Variants in ADGRE5 observed in about 807,000 individuals in gnomAD.
The protein encoded by ADGRE5 is adhesion G protein-coupled receptor E5, also known as CD97 molecule.
Under a neutral mutation model 100.3 loss-of-function variants are expected in ADGRE5, and 72 were observed. The ratio of observed to expected loss-of-function variants is 0.72; its 90% CI spans 0.59 to 0.87. ADGRE5 has a LOEUF of 0.87. Ranked by LOEUF, ADGRE5 falls within the 40% of genes least tolerant of loss-of-function variation. The probability of loss-of-function intolerance (pLI) is 0.00; values close to 1 mark genes in which losing one functional copy is unlikely to be tolerated. For synonymous variants in ADGRE5, 439 were observed against 447.8 expected, an observed-to-expected ratio of 0.98 and a Z score of 0.25; for missense variants, 959 against 1,094.7, an observed-to-expected ratio of 0.88 and a Z score of 1.75.
chr19:14,397,993 C>T lies in ADGRE5; in HGVS notation c.819+58C>T, dbSNP rs574137899. 52 of 1,519,290 alleles carry T rather than the reference C, an allele frequency of 3.4e-5. 1 individual carries two copies. In the Middle Eastern group the frequency reaches 5.1e-4, roughly 15 times the overall value. 94.1% of individuals were successfully genotyped at this position (1,519,290 alleles called of 1,614,324 possible). On this transcript the variant is annotated intron_variant, in intron 8 of 19. Coordinates refer to ENST00000242786, the MANE Select transcript of ADGRE5 (RefSeq NM_078481.4). Reference sequence around the variant, plus strand: ...AACTCCATCCACACAGCACTGCATCCGTCTCCTTGTTCTAAACTTCCCACC... The same window carrying T: ...AACTCCATCCACACAGCACTGCATCTGTCTCCTTGTTCTAAACTTCCCACC...
chr19:14,408,100 G>A lies in ADGRE5; in HGVS notation c.2487G>A (p.Arg829=), dbSNP rs1377192277. The A allele has an allele frequency of 3.1e-6, 5 of 1,613,756 alleles. No homozygotes were observed. Among genetic ancestry groups the A allele is most frequent in the South Asian group, 1.1e-5 (1 of 91,068 alleles). Residue 829 remains arginine (R), a synonymous_variant, in exon 20 of 20, where the codon AGG becomes AGA. Coordinates refer to ENST00000242786, the MANE Select transcript of ADGRE5 (RefSeq NM_078481.4). ...GTGHNQTRAL[R]ASESGI ...TGGGCTCTCCTCTCCAGGCCCTCAG[G>A]GCATCAGAGTCCGGCATATGAAGGC...
At chr19:14,399,565 A>AG in intron 9 of ADGRE5, among the ~76,000 whole-genome samples, 1 of 99,226 alleles carries the variant, frequency 1.0e-5, no homozygotes, top group African/African-American at 7.0e-5. Context: ...CTCCGTCTCA[A>AG]AAAAAAAAAA....
rs372902968 is a variant in ADGRE5 at position 14,406,928 on chromosome 19, C to G, written c.2175C>G (p.Ile725Met). The G allele has an allele frequency of 6.2e-6, 10 of 1,614,014 alleles. No homozygotes were observed. Among genetic ancestry groups the G allele is most frequent in the Non-Finnish European group, 8.5e-6 (10 of 1,180,002 alleles). The change falls in exon 17 of 20, where the codon ATC becomes ATG. Residue 725 changes from isoleucine to methionine, a missense_variant. Around this residue, in one of 6 missense-constraint regions of ADGRE5, gnomAD observed 428 missense variants for 386.2 expected, o/e 1.11. Coordinates refer to ENST00000242786, the MANE Select transcript of ADGRE5 (RefSeq NM_078481.4). This position sits in a 1 kb window ranked among gnomAD's most constrained non-coding sequence, Gnocchi z 6.0. ...AGCTCACTCAGAAGTTTTCTGAAAT[C>G]AATCCAGACATGAAGAAATTAAAGA... ...VWKLTQKFSE[I>M]NPDMKKLKKA...
At chr19:14,387,078 AG>A (rs1402565663) in intron 1 of ADGRE5, among the ~76,000 whole-genome samples, 3 of 152,196 alleles carry the variant, frequency 2.0e-5, no homozygotes, top group Non-Finnish European at 4.4e-5. Flanking sequence ...GTAAATGCTC[AG>A]GCACACCGGA....
chr19:14,408,046 G>A (rs1976355337), intron 19 of ADGRE5, 37 bp downstream of exon 19: 3 of 1,614,116 alleles, frequency 1.9e-6, no homozygotes, highest in African/African-American at 1.3e-5. Context: ...TGGGCAGGAA[G>A]GCACCAGGGC....
intron 1 of ADGRE5, among the ~76,000 whole-genome samples, chr19:14,384,420 G>A (rs897802852): frequency 6.6e-6 from 1 of 152,170 alleles, no homozygotes; most frequent in African/African-American, 2.4e-5. Context: ...TGGGGCAAAT[G>A]AGTGGTGAGT....
At chr19:14,387,132 G>C (rs1302556875) in intron 1 of ADGRE5, among the ~76,000 whole-genome samples, 1 of 152,160 alleles carries the variant, frequency 6.6e-6, no homozygotes, top group Non-Finnish European at 1.5e-5. Flanking sequence ...ACACTGGGGA[G>C]TGGGCGCCAT....
At position 14,406,246 on chromosome 19, in the gene ADGRE5, T is replaced by C. The variant is rs1568320139; in HGVS notation, c.1822-85T>C. 2 of 1,122,124 alleles carry C rather than the reference T, an allele frequency of 1.8e-6. No homozygotes were observed. Among genetic ancestry groups the C allele is most frequent in the East Asian group, 2.6e-5 (1 of 38,798 alleles). The allele number at this position is 1,122,124 out of a possible 1,614,324, so 69.5% of individuals were successfully genotyped here. Reference sequence around the variant, plus strand: ...CCTCCGGCTGTGGTCCCGCCCACTCTCGGGACCTGGCAGGCGACTGGCTCT... The same window carrying C: ...CCTCCGGCTGTGGTCCCGCCCACTCCCGGGACCTGGCAGGCGACTGGCTCT... On this transcript the variant is annotated intron_variant, in intron 14 of 19. Coordinates refer to ENST00000242786, the MANE Select transcript of ADGRE5 (RefSeq NM_078481.4). The surrounding 1 kb of genome is among the most constrained non-coding windows in gnomAD (Gnocchi z 6.0).
intron 4 of ADGRE5, among the ~76,000 whole-genome samples, chr19:14,395,411 C>A (rs1325251222): frequency 6.6e-6 from 1 of 152,134 alleles, no homozygotes; most frequent in African/African-American, 2.4e-5. Context: ...TCGTCCCAGG[C>A]CCGATCCTCT....
chr19:14,392,061 G>A (rs1461629117), intron 4 of ADGRE5, among the ~76,000 whole-genome samples: 17 of 142,358 alleles, frequency 1.2e-4, no homozygotes, highest in African/African-American at 3.4e-4. Flanking sequence ...CCAAGATCGC[G>A]CCACTGCACT....
intron 8 of ADGRE5, 27 bp from the exon 9 acceptor site, chr19:14,398,035 T>C: frequency 1.2e-6 from 2 of 1,610,698 alleles, no homozygotes; most frequent in East Asian, 2.2e-5. Flanking sequence ...CCAGGCTCTC[T>C]GACCCCCACA....
At chr19:14,382,033 C>T (rs1454463161) in intron 1 of ADGRE5, among the ~76,000 whole-genome samples, 2 of 152,176 alleles carry the variant, frequency 1.3e-5, no homozygotes, top group Non-Finnish European at 2.9e-5. Context: ...TTCTTGCTCC[C>T]CGCAGACCTG....
chr19:14,407,619 T>A (rs1365547415), intron 18 of ADGRE5, among the ~76,000 whole-genome samples: 1 of 145,114 alleles, frequency 6.9e-6, no homozygotes, highest in African/African-American at 2.6e-5. Flanking sequence ...CCAGCCTGGG[T>A]GACAGTGAGA....
Position 14,381,697 on chromosome 19 carries a change from G to C in ADGRE5, c.22+152G>C, listed in dbSNP as rs2146339667. 3 of 949,682 alleles carry C rather than the reference G, an allele frequency of 3.2e-6. No individual in the cohort carries two copies. The East Asian group carries it at 8.7e-5, about 27-fold the overall frequency. The allele number at this position is 949,682 out of a possible 1,614,324, so 58.8% of individuals were successfully genotyped here. ...GCAGGCACTCACGGGCACACGGCGA[G>C]AGGGGCTGGTGGTGCTTGGGCACCC... On this transcript the variant is annotated intron_variant, in intron 1 of 19. Coordinates refer to ENST00000242786, the MANE Select transcript of ADGRE5 (RefSeq NM_078481.4).
chr19:14,407,355 T>C (rs1044244710), intron 18 of ADGRE5, 126 bp downstream of exon 18: 2 of 1,116,358 alleles, frequency 1.8e-6, no homozygotes, highest in African/African-American at 1.6e-5. Flanking sequence ...ATGCTGTCTT[T>C]ACAAAAAAAT....
chr19:14,407,936 G>C lies in ADGRE5; in HGVS notation c.2405G>C (p.Cys802Ser). 2 of 1,614,158 alleles carry C rather than the reference G, an allele frequency of 1.2e-6. No homozygotes were observed. Among genetic ancestry groups the C allele is most frequent in the Non-Finnish European group, 1.7e-6 (2 of 1,180,030 alleles). Residue 802 changes from cysteine (C) to serine (S), a missense_variant, in exon 19 of 20, where the codon TGC becomes TCC. This residue lies in a region of ADGRE5 where 428 missense variants were observed against 386.2 expected (regional missense o/e 1.11). Transcript: ENST00000242786. ...CGGGAAGAATACCGGAAGTGGGCCT[G>C]CCTAGTTGCTGGGGGGAGCAAGTAC... is the stretch of plus-strand genomic sequence containing the variant. ...KVREEYRKWACLVAGGSKYSE... is the reference protein window; with the variant it reads ...KVREEYRKWASLVAGGSKYSE...
At chr19:14,385,279 TG>T in intron 1 of ADGRE5, among the ~76,000 whole-genome samples, 1 of 152,092 alleles carries the variant, frequency 6.6e-6, no homozygotes, top group Non-Finnish European at 1.5e-5. Flanking sequence ...CCCAAAGTGC[TG>T]GGATTACAGG....
Position 14,408,555 on chromosome 19 carries a change from G to A in ADGRE5, c.*434G>A, listed in dbSNP as rs775618019. On this transcript the variant is annotated 3_prime_UTR_variant, in exon 20 of 20. Coordinates refer to ENST00000242786, the MANE Select transcript of ADGRE5 (RefSeq NM_078481.4). ...CTAAGACTGATGTCAGAGGCCCCAT[G>A]GCGAGGCCCCTTGGGGCCACTGCCT... 6 of 429,300 alleles carry A rather than the reference G, an allele frequency of 1.4e-5. No individual in the cohort carries two copies. Among genetic ancestry groups the A allele is most frequent in the Non-Finnish European group, 2.5e-5 (6 of 239,078 alleles). 26.6% of individuals were successfully genotyped at this position (429,300 alleles called of 1,614,324 possible).
chr19:14,406,640 G>A lies in ADGRE5; in HGVS notation c.2049-60G>A. 1.2e-6 allele frequency: 2 copies of A among 1,603,626 alleles called. No homozygotes were observed. Among genetic ancestry groups the A allele is most frequent in the Non-Finnish European group, 1.7e-6 (2 of 1,170,730 alleles). On this transcript the variant is annotated intron_variant, in intron 15 of 19. Coordinates refer to ENST00000242786, the MANE Select transcript of ADGRE5 (RefSeq NM_078481.4). This position sits in a 1 kb window ranked among gnomAD's most constrained non-coding sequence, Gnocchi z 6.0. ...GCAGTGCCACACACAATGTCCGGCC[G>A]CCCTCCGTTCCGCTCCTGGCTTCCT...
Sources: gnomAD v4.1 joint callset for allele counts (sites outside exome capture counted in the v4.1 genomes callset) on GRCh38, gnomAD v4.1.1 for gene constraint, gnomAD v4.1.1 regional missense constraint, Gnocchi (gnomAD v3.1) non-coding constraint, MANE v1.5 for transcripts, NCBI Gene and HGNC (gene_info 2026-07-23, HGNC 2026-07-21) for gene names.